Variants in NRG3 observed in about 807,000 individuals in gnomAD.
The protein encoded by NRG3 is pro-neuregulin-3, membrane-bound isoform.
A neutral mutation model predicts 66.9 loss-of-function variants in NRG3; 31 were observed. The ratio of observed to expected loss-of-function variants is 0.46; its 90% CI spans 0.35 to 0.63. The LOEUF is 0.63. Ranked by LOEUF, NRG3 falls within the 20% of genes least tolerant of loss-of-function variation. The pLI is 0.00. For synonymous variants in NRG3, 393 were observed against 359.4 expected, an observed-to-expected ratio of 1.09 and a Z score of -1.06; for missense variants, 910 against 878.9, an observed-to-expected ratio of 1.04 and a Z score of -0.45.
At chr10:82,790,487 T>C (rs901530225) in intron 3 of NRG3, among the ~76,000 whole-genome samples, 2 of 152,130 alleles carry the variant, frequency 1.3e-5, no homozygotes, top group African/African-American at 4.8e-5. Context: ...CTTTTTTCGA[T>C]ACCTTTACAA....
chr10:82,251,768 A>G (rs2077500387), intron 1 of NRG3, among the ~76,000 whole-genome samples: 2 of 152,222 alleles, frequency 1.3e-5, no homozygotes, highest in African/African-American at 4.8e-5. Flanking sequence ...TTAATGAGGC[A>G]GATCAGAGCA....
intron 4 of NRG3, among the ~76,000 whole-genome samples, chr10:82,902,795 T>G (rs926052417): frequency 1.3e-5 from 2 of 152,168 alleles, no homozygotes; most frequent in African/African-American, 4.8e-5. Flanking sequence ...TACATGCAGT[T>G]TTTTACAATA....
At chr10:82,594,682 G>A (rs2047170147) in intron 2 of NRG3, among the ~76,000 whole-genome samples, 1 of 151,908 alleles carries the variant, frequency 6.6e-6, no homozygotes, top group Non-Finnish European at 1.5e-5. Flanking sequence ...CCTACATCTA[G>A]CAAAGATGTC....
chr10:82,878,003 C>T (rs765762062), intron 4 of NRG3, among the ~76,000 whole-genome samples: 126 of 152,180 alleles, frequency 8.3e-4, no homozygotes, highest in Non-Finnish European at 1.4e-3. Context: ...GCTAGAGCTA[C>T]GGTTTAGGGT....
At chr10:82,697,014 T>C (rs1233080073) in intron 2 of NRG3, among the ~76,000 whole-genome samples, 2 of 152,202 alleles carry the variant, frequency 1.3e-5, no homozygotes, top group Non-Finnish European at 2.9e-5. Flanking sequence ...CACTTGTTTC[T>C]CTCTCTTCTG....
intron 1 of NRG3, among the ~76,000 whole-genome samples, chr10:82,162,441 T>C (rs1296659525): frequency 3.3e-5 from 5 of 152,190 alleles, no homozygotes; most frequent in African/African-American, 1.2e-4. Flanking sequence ...TTGTCAGTTG[T>C]TCTGTGTGTC....
At chr10:82,046,207 A>T (rs1227471070) in intron 1 of NRG3, among the ~76,000 whole-genome samples, 9 of 147,222 alleles carry the variant, frequency 6.1e-5, no homozygotes, top group Non-Finnish European at 1.3e-4. Context: ...TGAGCATGGA[A>T]TGTTCTTCCA....
intron 1 of NRG3, among the ~76,000 whole-genome samples, chr10:82,211,591 A>G (rs2075396738): frequency 6.6e-6 from 1 of 152,190 alleles, no homozygotes; most frequent in Non-Finnish European, 1.5e-5. Flanking sequence ...GCAGAGCTGC[A>G]TTTCCAAAAA....
At chr10:82,847,607 T>C (rs2063363187) in intron 3 of NRG3, among the ~76,000 whole-genome samples, 1 of 152,174 alleles carries the variant, frequency 6.6e-6, no homozygotes, top group Admixed American at 6.5e-5. Context: ...AAGCCAAATA[T>C]TTTCAGATGG....
chr10:82,707,426 A>C (rs1425735607), intron 2 of NRG3, among the ~76,000 whole-genome samples: 1 of 151,616 alleles, frequency 6.6e-6, no homozygotes, highest in East Asian at 2.0e-4. Flanking sequence ...AGTGGCACAA[A>C]CAACCTGGGC....
intron 2 of NRG3, among the ~76,000 whole-genome samples, chr10:82,536,743 C>T (rs1847849348): frequency 6.6e-6 from 1 of 152,066 alleles, no homozygotes; most frequent in Non-Finnish European, 1.5e-5. Context: ...AGAGGGGATT[C>T]ATCAGGGTCT....
At chr10:82,514,013 T>C (rs1845432444) in intron 2 of NRG3, among the ~76,000 whole-genome samples, 1 of 152,160 alleles carries the variant, frequency 6.6e-6, no homozygotes, top group Admixed American at 6.5e-5. Flanking sequence ...TTCATGTCCT[T>C]TGCCCACTTT....
chr10:82,140,635 G>A (rs977684179), intron 1 of NRG3, among the ~76,000 whole-genome samples: 1 of 152,014 alleles, frequency 6.6e-6, no homozygotes, highest in African/African-American at 2.4e-5. Context: ...AGGAGGGTAA[G>A]GCTAGATGAT....
chr10:82,830,202 G>A (rs995759507), intron 3 of NRG3, among the ~76,000 whole-genome samples: 2 of 152,020 alleles, frequency 1.3e-5, no homozygotes, highest in African/African-American at 2.4e-5. Flanking sequence ...AGTCCTAATC[G>A]GTTTAACTTT....
intron 4 of NRG3, among the ~76,000 whole-genome samples, chr10:82,871,835 C>G (rs1374449484): frequency 4.0e-5 from 6 of 151,864 alleles, no homozygotes; most frequent in Non-Finnish European, 7.4e-5. Flanking sequence ...TTTTGTTAAC[C>G]TAAGCAATCA....
At chr10:82,956,091 G>A (rs1416245563) in intron 5 of NRG3, among the ~76,000 whole-genome samples, 1 of 151,878 alleles carries the variant, frequency 6.6e-6, no homozygotes, top group African/African-American at 2.4e-5. Flanking sequence ...AGTCCTCTAT[G>A]CTGTCTTTAT....
intron 2 of NRG3, among the ~76,000 whole-genome samples, chr10:82,582,728 T>C (rs1051102417): frequency 6.6e-6 from 1 of 151,526 alleles, no homozygotes; most frequent in African/African-American, 2.4e-5. Context: ...TGAACACACA[T>C]AAATGTTTAG....
intron 2 of NRG3, among the ~76,000 whole-genome samples, chr10:82,598,702 G>A (rs1226907846): frequency 1.3e-5 from 2 of 152,218 alleles, no homozygotes; most frequent in African/African-American, 4.8e-5. Flanking sequence ...TGTCTCTGGT[G>A]ACTTTGATAA....
intron 1 of NRG3, among the ~76,000 whole-genome samples, chr10:82,275,737 T>C (rs1199508230): frequency 6.6e-6 from 1 of 151,972 alleles, no homozygotes; most frequent in Non-Finnish European, 1.5e-5. Context: ...GAATTAACTT[T>C]CAAAAATCTT....
Sources: allele counts gnomAD v4.1 joint callset (sites outside exome capture counted in the v4.1 genomes callset), GRCh38; gene constraint gnomAD v4.1.1; transcripts MANE v1.5; gene names NCBI Gene and HGNC (gene_info 2026-07-23, HGNC 2026-07-21).